APP: variants seen among roughly 807,000 people sequenced by gnomAD.
The protein encoded by APP is amyloid-beta precursor protein.
In APP, 31 loss-of-function variants were observed where a neutral mutation model predicts 101.4. The observed-to-expected ratio is 0.31, with a 90% CI of 0.23 to 0.41. The LOEUF is 0.41. APP is among the 10% of genes least tolerant of loss of function. The pLI, the probability that APP is intolerant of heterozygous loss-of-function variation, is 1.00. For missense variants in APP, 839 were observed against 1,003.7 expected (o/e 0.84, Z 2.22); for synonymous variants, 366 against 364.4 (o/e 1.00, Z -0.05).
In APP at chr21:26,158,749, C is replaced by T. The variant is rs114359927; in HGVS notation, c.57+11815G>A. Among the ~76,000 whole-genome samples the T allele has an allele frequency of 5.2e-3, 791 of 152,292 alleles. 5 individuals are homozygous for T. The highest frequency in any genetic ancestry group is 0.017 in the African/African-American group (704 of 41,560). ...TTCCCCCTTTGAAACTCTACACCCT[C>T]GCTGTTTTTTCTGTCTGGGAAGCCC... On this transcript the variant is annotated intron_variant, in intron 1 of 17. Coordinates refer to ENST00000346798, the MANE Select transcript of APP (RefSeq NM_000484.4).
At chr21:25,893,068 A>G (rs1021272365) in intron 16 of APP, among the ~76,000 whole-genome samples, 3 of 152,194 alleles carry the variant, frequency 2.0e-5, no homozygotes, top group Non-Finnish European at 1.5e-5. Context: ...GTAATTATTT[A>G]AATATTCAAA....
chr21:26,071,759 C>T (rs1379211369), intron 3 of APP, among the ~76,000 whole-genome samples: 1 of 152,168 alleles, frequency 6.6e-6, no homozygotes, highest in Non-Finnish European at 1.5e-5. Flanking sequence ...AGGTGATTTA[C>T]CATTTTCAGG....
intron 1 of APP, among the ~76,000 whole-genome samples, chr21:26,170,080 G>C (rs970869098): frequency 3.3e-5 from 5 of 152,294 alleles, no homozygotes; most frequent in East Asian, 1.9e-4. Context: ...GGGGCTCCTA[G>C]CTTCCTGGGC....
At chr21:26,154,102 A>AAT (rs2063329522) in intron 1 of APP, among the ~76,000 whole-genome samples, 1 of 152,208 alleles carries the variant, frequency 6.6e-6, no homozygotes, top group Non-Finnish European at 1.5e-5. Context: ...CCAGGAATGC[A>AAT]ATAGGCTTAA....
chr21:25,931,603 T>A (rs916663424), intron 13 of APP, among the ~76,000 whole-genome samples: 1 of 152,080 alleles, frequency 6.6e-6, no homozygotes, highest in African/African-American at 2.4e-5. Context: ...GCATAGCCGA[T>A]AAGGATGCAC....
At chr21:26,097,912 C>G (rs1314629047) in intron 2 of APP, among the ~76,000 whole-genome samples, 6 of 151,856 alleles carry the variant, frequency 4.0e-5, no homozygotes, top group Non-Finnish European at 8.8e-5. Flanking sequence ...AACCCCGTCT[C>G]TACTAAAAAA....
chr21:26,042,915 TA>T (rs35250381), intron 5 of APP, among the ~76,000 whole-genome samples: 24,502 of 147,506 alleles, frequency 0.17, 2,876 homozygotes, highest in East Asian at 0.31. Flanking sequence ...ACCTGTCTCC[TA>T]AAAAAAAAAA....
intron 5 of APP, among the ~76,000 whole-genome samples, chr21:26,022,953 GGTC>G (rs2044408956): frequency 7.1e-6 from 1 of 141,212 alleles, no homozygotes; most frequent in Non-Finnish European, 1.5e-5. Flanking sequence ...AATGCCCTGT[GGTC>G]AGGGATGCCT....
chr21:25,961,182 G>A lies in APP; in HGVS notation c.1459-5427C>T, dbSNP rs924730214. Among the ~76,000 whole-genome samples, 4 of 152,266 alleles carry A rather than the reference G, an allele frequency of 2.6e-5. No individual in the cohort carries two copies. The South Asian group carries it at 8.3e-4, about 32-fold the overall frequency. ...GTTCATCTCACCTATCTCTGACCTAGAAGGCCCCTCCCCACTTCGAGTCTT... is the reference window on the plus strand; with the variant it reads ...GTTCATCTCACCTATCTCTGACCTAAAAGGCCCCTCCCCACTTCGAGTCTT... On this transcript the variant is annotated intron_variant, in intron 11 of 17. Coordinates refer to ENST00000346798, the MANE Select transcript of APP (RefSeq NM_000484.4).
intron 2 of APP, among the ~76,000 whole-genome samples, chr21:26,092,121 C>T (rs796353385): frequency 3.9e-5 from 6 of 152,252 alleles, no homozygotes; most frequent in African/African-American, 1.4e-4. Flanking sequence ...CAATCTCTGT[C>T]TAAAAAGTTG....
intron 1 of APP, among the ~76,000 whole-genome samples, chr21:26,123,096 T>C (rs954187845): frequency 6.6e-6 from 1 of 152,222 alleles, no homozygotes; most frequent in African/African-American, 2.4e-5. Flanking sequence ...GACCTTTACC[T>C]TTCTATTTTT....
intron 1 of APP, among the ~76,000 whole-genome samples, chr21:26,118,935 A>G (rs945740011): frequency 2.0e-5 from 3 of 152,174 alleles, no homozygotes; most frequent in African/African-American, 7.2e-5. Flanking sequence ...TCTTTATCCT[A>G]TTCTGACTCT....
chr21:26,101,548 G>C (rs572295926), intron 2 of APP, among the ~76,000 whole-genome samples: 1 of 152,166 alleles, frequency 6.6e-6, no homozygotes, highest in African/African-American at 2.4e-5. Context: ...GTCTAAGACT[G>C]AACAGGCAGC....
chr21:26,150,642 C>CAGAT (rs2063250339), intron 1 of APP, among the ~76,000 whole-genome samples: 1 of 96,352 alleles, frequency 1.0e-5, no homozygotes, highest in Non-Finnish European at 1.9e-5. Flanking sequence ...GACAGACAGA[C>CAGAT]AGATTGACTG....
chr21:25,918,612 G>T (rs1184520194), intron 13 of APP, among the ~76,000 whole-genome samples: 1 of 152,016 alleles, frequency 6.6e-6, no homozygotes, highest in Non-Finnish European at 1.5e-5. Context: ...GTCAAAGAAA[G>T]GGGTGACAGA....
intron 1 of APP, among the ~76,000 whole-genome samples, chr21:26,147,637 A>C (rs930878998): frequency 1.3e-4 from 20 of 152,142 alleles, no homozygotes; most frequent in African/African-American, 4.8e-4. Context: ...GGCTCAATCA[A>C]TTTATTAGAA....
At chr21:25,925,104 G>C (rs1226915134) in intron 13 of APP, among the ~76,000 whole-genome samples, 1 of 152,116 alleles carries the variant, frequency 6.6e-6, no homozygotes, top group Non-Finnish European at 1.5e-5. Context: ...CCCTGACACA[G>C]CTGCATTGGA....
rs531426085 is a variant in APP at position 25,959,306 on chromosome 21, G to A, written c.1459-3551C>T. ...AAATTAGCAAGGCATGGTGGTGGGC[G>A]CCTGTAGTCCCAGCTACTCGGGAGG... On this transcript the variant is annotated intron_variant, in intron 11 of 17. Coordinates refer to ENST00000346798, the MANE Select transcript of APP (RefSeq NM_000484.4). Among the ~76,000 whole-genome samples the A allele has an allele frequency of 2.3e-4, 35 of 152,278 alleles. No homozygotes were observed. In the East Asian group the frequency reaches 6.4e-3, roughly 28 times the overall value.
At position 25,895,863 on chromosome 21, in the gene APP, T is replaced by C. The variant is rs143278457; in HGVS notation, c.2064+1710A>G. On this transcript the variant is annotated intron_variant, in intron 16 of 17. Transcript: ENST00000346798. ...AAGTCTGGACATATGCCTGTGCCTT[T>C]AAGAAAATACTGTAATTTTGTAATA... Among the ~76,000 whole-genome samples, 49 of 152,354 alleles carry C rather than the reference T, an allele frequency of 3.2e-4. 1 individual carries two copies. The East Asian group carries it at 9.4e-3, about 29-fold the overall frequency.
Sources: gnomAD v4.1 joint callset for allele counts (sites outside exome capture counted in the v4.1 genomes callset) on GRCh38, gnomAD v4.1.1 for gene constraint, MANE v1.5 for transcripts, NCBI Gene and HGNC (gene_info 2026-07-23, HGNC 2026-07-21) for gene names.